CLASP2: variants seen among roughly 807,000 people sequenced by gnomAD.
CLASP2 encodes the protein cytoplasmic linker associated protein 2, also known as CLIP-associating protein 2.
CLASP2 carries 47 observed loss-of-function variants against 194.4 expected under a neutral mutation model. That is an observed-to-expected ratio of 0.24 (90% CI 0.19 to 0.31). The LOEUF (loss-of-function observed/expected upper bound fraction) is 0.31, where lower values mean the gene tolerates loss of function less well. Among genes scored for constraint, CLASP2 ranks in the 10% least tolerant of loss-of-function variants. CLASP2 has a pLI of 1.00. For synonymous variants in CLASP2, 619 were observed against 633.5 expected (o/e 0.98, Z 0.34); for missense variants, 1,445 against 1,823.6 (o/e 0.79, Z 3.78).
intron 1 of CLASP2, 25 bp from the exon 2 acceptor site, chr3:33,696,958 G>A (rs913581811): frequency 7.6e-7 from 1 of 1,324,380 alleles, no homozygotes; most frequent in Admixed American, 2.0e-5. Context: ...GGATTTTAAT[G>A]AATATAAATT....
intron 6 of CLASP2, among the ~76,000 whole-genome samples, chr3:33,679,415 C>T (rs1042479309): frequency 6.6e-5 from 10 of 152,096 alleles, no homozygotes; most frequent in African/African-American, 2.4e-4. Context: ...ACTTTCTTCT[C>T]TTTGAAAGAC....
At chr3:33,710,741 C>T (rs1210382393) in intron 1 of CLASP2, among the ~76,000 whole-genome samples, 2 of 152,186 alleles carry the variant, frequency 1.3e-5, no homozygotes, top group Non-Finnish European at 2.9e-5. Context: ...TTGAGACCAG[C>T]CTGGCCAACA....
intron 26 of CLASP2, among the ~76,000 whole-genome samples, chr3:33,567,239 A>G (rs1560066654): frequency 6.6e-6 from 1 of 152,222 alleles, no homozygotes; most frequent in Non-Finnish European, 1.5e-5. Context: ...AAGTAATAAA[A>G]GTAACTATAC....
At chr3:33,665,673 G>A (rs1390260035) in intron 6 of CLASP2, among the ~76,000 whole-genome samples, 1 of 151,960 alleles carries the variant, frequency 6.6e-6, no homozygotes, top group Admixed American at 6.6e-5. Context: ...TTTTATAAAG[G>A]ATAAGTTCAT....
chr3:33,563,333 T>C (rs1022140873), intron 27 of CLASP2, among the ~76,000 whole-genome samples: 1 of 152,206 alleles, frequency 6.6e-6, no homozygotes, highest in Admixed American at 6.5e-5. Context: ...GTCTTCATCC[T>C]GATTCTCTTT....
intron 30 of CLASP2, among the ~76,000 whole-genome samples, chr3:33,545,785 T>G (rs1033372184): frequency 6.6e-6 from 1 of 151,886 alleles, no homozygotes; most frequent in African/African-American, 2.4e-5. Flanking sequence ...TGGTGTGTGC[T>G]TGTAATCCCA....
At chr3:33,671,949 C>A (rs985271399) in intron 6 of CLASP2, among the ~76,000 whole-genome samples, 5 of 152,234 alleles carry the variant, frequency 3.3e-5, no homozygotes, top group Non-Finnish European at 7.3e-5. Flanking sequence ...GAAGCTCCAA[C>A]TGGGTGGAGC....
At chr3:33,556,760 T>C (rs955059566) in intron 29 of CLASP2, among the ~76,000 whole-genome samples, 1 of 152,212 alleles carries the variant, frequency 6.6e-6, no homozygotes, top group Admixed American at 6.5e-5. Context: ...CCCTCATGGA[T>C]TTGCTAATAC....
chr3:33,613,372 T>C (rs2075548112), intron 12 of CLASP2, among the ~76,000 whole-genome samples: 1 of 152,196 alleles, frequency 6.6e-6, no homozygotes, highest in East Asian at 1.9e-4. Context: ...CAATCAGTTA[T>C]TGGATATGGG....
intron 7 of CLASP2, among the ~76,000 whole-genome samples, chr3:33,653,608 A>G (rs537162260): frequency 6.6e-6 from 1 of 152,338 alleles, no homozygotes; most frequent in Admixed American, 6.5e-5. Flanking sequence ...TAGGTGTGAC[A>G]ATGGTATTGT....
chr3:33,662,995 T>C (rs1308734543), intron 7 of CLASP2, among the ~76,000 whole-genome samples: 3 of 151,908 alleles, frequency 2.0e-5, no homozygotes, highest in East Asian at 1.9e-4. Flanking sequence ...TGTGTATGAG[T>C]CTCTTGATCA....
chr3:33,627,273 C>A, intron 9 of CLASP2, 193 bp from the exon 10 acceptor site: 1 of 571,534 alleles, frequency 1.7e-6, no homozygotes, highest in Non-Finnish European at 3.1e-6. Context: ...TACTTGTTAC[C>A]ATTTTTGCTA....
intron 34 of CLASP2, among the ~76,000 whole-genome samples, chr3:33,521,335 A>G (rs1198978756): frequency 6.6e-6 from 1 of 152,206 alleles, no homozygotes; most frequent in Non-Finnish European, 1.5e-5. Context: ...AGAAAAAGTA[A>G]TTTCACAGTA....
intron 34 of CLASP2, among the ~76,000 whole-genome samples, chr3:33,528,195 T>C (rs568475448): frequency 3.3e-5 from 5 of 152,062 alleles, no homozygotes; most frequent in African/African-American, 1.2e-4. Flanking sequence ...AAAAACCACA[T>C]GATTATTTCA....
At chr3:33,503,365 G>A (rs1300557136) in intron 37 of CLASP2, 1 of 150,982 alleles carries the variant, frequency 6.6e-6, no homozygotes, top group Non-Finnish European at 1.5e-5. Context: ...ACTTCTTTTG[G>A]GTATATACCT....
Position 33,627,072 on chromosome 3 carries a change from A to G in CLASP2, c.951T>C (p.Ser317=). ...FTDVPSIQIY[S]SRELEETLNK... ...TTAATGTTTCTTCGAGTTCTCGACT[A>G]GAATAAATCTTAAAAAAAAGATTCA... is the stretch of plus-strand genomic sequence containing the variant. Residue 317 remains serine (S), a synonymous_variant, in exon 10 of 39, where the codon TCT becomes TCC. Transcript: ENST00000682230. The G allele has an allele frequency of 2.0e-6, 3 of 1,520,714 alleles. No homozygotes were observed. Among genetic ancestry groups the G allele is most frequent in the Non-Finnish European group, 2.7e-6 (3 of 1,110,558 alleles). The allele number at this position is 1,520,714 out of a possible 1,614,324, so 94.2% of individuals were successfully genotyped here.
At chr3:33,624,135 G>A (rs1387644870) in intron 10 of CLASP2, among the ~76,000 whole-genome samples, 3 of 152,046 alleles carry the variant, frequency 2.0e-5, no homozygotes, top group African/African-American at 4.8e-5. Flanking sequence ...ATACACACAC[G>A]TGTACATCTG....
At chr3:33,583,905 G>C (rs1247570755) in intron 22 of CLASP2, among the ~76,000 whole-genome samples, 2 of 152,140 alleles carry the variant, frequency 1.3e-5, no homozygotes, top group Non-Finnish European at 2.9e-5. Context: ...AGAAAAGAAG[G>C]AAGAGAGAGT....
At chr3:33,644,600 C>A in intron 8 of CLASP2, 157 bp downstream of exon 8, 1 of 761,882 alleles carries the variant, frequency 1.3e-6, no homozygotes. Flanking sequence ...TTATACATTT[C>A]AAAAGGGCAT....
Sources: allele counts gnomAD v4.1 joint callset (sites outside exome capture counted in the v4.1 genomes callset), GRCh38; gene constraint gnomAD v4.1.1; transcripts MANE v1.5; gene names NCBI Gene and HGNC (gene_info 2026-07-23, HGNC 2026-07-21).